The following CSNK1E variants were observed in gnomAD, a reference collection of about 807,000 sequenced individuals.
CSNK1E encodes casein kinase 1 epsilon, also known as casein kinase I isoform epsilon.
CSNK1E carries 17 observed loss-of-function variants against 46.1 expected under a neutral mutation model. The observed-to-expected ratio is 0.37, with a 90% CI of 0.25 to 0.55. The LOEUF (loss-of-function observed/expected upper bound fraction) is 0.55. CSNK1E is among the 20% of genes least tolerant of loss of function. The probability of loss-of-function intolerance (pLI) is 0.82; values close to 1 mark genes in which losing one functional copy is unlikely to be tolerated. For synonymous variants in CSNK1E, 241 were observed against 242.6 expected, an observed-to-expected ratio of 0.99 and a Z score of 0.06; for missense variants, 386 against 595.4, an observed-to-expected ratio of 0.65 and a Z score of 3.66.
intron 1 of CSNK1E, among the ~76,000 whole-genome samples, chr22:38,315,482 C>T (rs1015471973): frequency 1.3e-5 from 2 of 152,240 alleles, no homozygotes; most frequent in Non-Finnish European, 2.9e-5. Context: ...CCTGTCTCAG[C>T]TGAGGTGCCA....
At position 38,303,682 on chromosome 22, in the gene CSNK1E, C is replaced by T. The variant is rs2092685630; in HGVS notation, c.77-434G>A. On this transcript the variant is annotated intron_variant, in intron 2 of 10. Coordinates refer to ENST00000396832, the MANE Select transcript of CSNK1E (RefSeq NM_152221.3). This position sits in a 1 kb window ranked among gnomAD's most constrained non-coding sequence, Gnocchi z 4.7. ...AACACACCAGAACAAGCCAGGACCA[C>T]CCTGGCCTACAGGATGAGGATGGGA... 2.0e-5 allele frequency among the ~76,000 whole-genome samples: 3 copies of T among 152,192 alleles called. No homozygotes were observed. Among genetic ancestry groups the T allele is most frequent in the Admixed American group, 1.3e-4 (2 of 15,290 alleles).
chr22:38,297,794 G>C (rs2092648770), intron 7 of CSNK1E: 1 of 1,004,722 alleles, frequency 1.0e-6, no homozygotes, highest in African/African-American at 1.7e-5. Context: ...CCACTGTGCT[G>C]CCATCTCTTG....
chr22:38,296,063 T>A, intron 7 of CSNK1E: 2 of 649,586 alleles, frequency 3.1e-6, no homozygotes, highest in Non-Finnish European at 3.8e-6. Flanking sequence ...TGTGGAGCCC[T>A]GCAGCCAGCA....
intron 9 of CSNK1E, chr22:38,293,872 C>T: frequency 1.8e-6 from 1 of 557,978 alleles, no homozygotes; most frequent in Non-Finnish European, 3.1e-6. Context: ...TGGAGCCCAG[C>T]TGTGCCACTT....
In CSNK1E at chr22:38,298,037, T is replaced by A; in HGVS notation, c.885+749A>T. The A allele has an allele frequency of 8.5e-7, 1 of 1,173,178 alleles. No homozygotes were observed. 72.7% of individuals were successfully genotyped at this position (1,173,178 alleles called of 1,614,324 possible). On this transcript the variant is annotated intron_variant, in intron 7 of 10. Coordinates refer to ENST00000396832, the MANE Select transcript of CSNK1E (RefSeq NM_152221.3). This position sits in a 1 kb window ranked among gnomAD's most constrained non-coding sequence, Gnocchi z 4.2. Reference sequence around the variant, plus strand: ...AAAGCACAGCTGAGGCTCAGCCTCTTGCGCTCACTGGTCAAGTGGCAAATT... The same window carrying A: ...AAAGCACAGCTGAGGCTCAGCCTCTAGCGCTCACTGGTCAAGTGGCAAATT...
intron 1 of CSNK1E, chr22:38,316,715 A>T (rs2092747875): frequency 6.6e-6 from 1 of 151,892 alleles, no homozygotes; most frequent in Non-Finnish European, 1.5e-5. Flanking sequence ...AGCCTTGCGA[A>T]CCCCCAGGTC....
chr22:38,299,758 T>C (rs943170849), intron 6 of CSNK1E, 137 bp downstream of exon 6: 2 of 913,312 alleles, frequency 2.2e-6, no homozygotes, highest in African/African-American at 3.3e-5. Flanking sequence ...TCCACCTGCC[T>C]TGGCCTCCCA....
chr22:38,296,808 G>A, intron 7 of CSNK1E: 1 of 1,283,416 alleles, frequency 7.8e-7, no homozygotes, highest in Non-Finnish European at 1.1e-6. Context: ...TGCCTTGCCG[G>A]ATGTGGTGGC....
chr22:38,296,604 C>T (rs1264375924), intron 7 of CSNK1E: 1 of 1,612,764 alleles, frequency 6.2e-7, no homozygotes, highest in Non-Finnish European at 8.5e-7. Flanking sequence ...CTCTGCCCAG[C>T]TTCTAACTCC....
intron 2 of CSNK1E, among the ~76,000 whole-genome samples, chr22:38,311,748 G>C (rs1484663439): frequency 1.3e-5 from 2 of 152,050 alleles, no homozygotes; most frequent in Non-Finnish European, 2.9e-5. Context: ...CAGCAAATGA[G>C]GAACACGCTG....
chr22:38,293,334 G>C lies in CSNK1E; in HGVS notation c.1219-15C>G, dbSNP rs569420536. 1 of 1,551,110 alleles carries C rather than the reference G, an allele frequency of 6.4e-7. No individual in the cohort carries two copies. The highest frequency in any genetic ancestry group is 1.4e-5 in the African/African-American group (1 of 73,558). Reference sequence around the variant, plus strand: ...GGCACACTTGTCTTTTGAGGGTGGGGAGGGAGAGAGGGGGAGGGAGAGAGA... The same window carrying C: ...GGCACACTTGTCTTTTGAGGGTGGGCAGGGAGAGAGGGGGAGGGAGAGAGA... On this transcript the variant is annotated splice_polypyrimidine_tract_variant and intron_variant, in intron 9 of 10. Transcript: ENST00000396832.
In CSNK1E at chr22:38,309,579, C is replaced by T. The variant is rs779864081; in HGVS notation, c.76+4503G>A. On this transcript the variant is annotated intron_variant, in intron 2 of 10. Coordinates refer to ENST00000396832, the MANE Select transcript of CSNK1E (RefSeq NM_152221.3). The surrounding 1 kb of genome is among the most constrained non-coding windows in gnomAD (Gnocchi z 4.8). ...AAGCGATTCTCATGCCTCAGCCTCC[C>T]GAGTAACTGGGATTACAAGCAGACA... Among the ~76,000 whole-genome samples, 7 of 152,118 alleles carry T rather than the reference C, an allele frequency of 4.6e-5. No homozygotes were observed. In the East Asian group the frequency reaches 7.7e-4, roughly 17 times the overall value.
chr22:38,302,437 G>A (rs769837427), intron 4 of CSNK1E, among the ~76,000 whole-genome samples: 1 of 152,202 alleles, frequency 6.6e-6, no homozygotes, highest in Non-Finnish European at 1.5e-5. Context: ...AGTTGGGCCT[G>A]AAATCACATT....
At position 38,300,691 on chromosome 22, in the gene CSNK1E, G is replaced by C. The variant is rs191991271; in HGVS notation, c.565+33C>G. 2.5e-6 allele frequency: 4 copies of C among 1,598,500 alleles called. No homozygotes were observed. The African/African-American group carries it at 4.0e-5, about 16-fold the overall frequency. ...GAGCTGGGCCCCAGCCAGTGGCCCC[G>C]GGTGCACACTGCTCCAGGCCTGGCT... On this transcript the variant is annotated intron_variant, in intron 5 of 10. Coordinates refer to ENST00000396832, the MANE Select transcript of CSNK1E (RefSeq NM_152221.3). This position sits in a 1 kb window ranked among gnomAD's most constrained non-coding sequence, Gnocchi z 4.4.
intron 2 of CSNK1E, among the ~76,000 whole-genome samples, chr22:38,307,325 C>T (rs960541616): frequency 6.6e-6 from 1 of 152,044 alleles, no homozygotes; most frequent in Admixed American, 6.6e-5. Flanking sequence ...CTGAGGCAGG[C>T]GGATCACCAG....
At chr22:38,293,920 C>T in intron 9 of CSNK1E, 189 bp downstream of exon 9, 1 of 665,708 alleles carries the variant, frequency 1.5e-6, no homozygotes, top group Non-Finnish European at 2.5e-6. Context: ...TGGTGAATGA[C>T]TTTGCTCAAG....
chr22:38,299,226 G>T (rs137949387), intron 6 of CSNK1E, among the ~76,000 whole-genome samples: 2 of 152,178 alleles, frequency 1.3e-5, no homozygotes, highest in Non-Finnish European at 2.9e-5. Context: ...CAGCTCTTCC[G>T]CTGCCCTCGC....
intron 4 of CSNK1E, 95 bp from the exon 5 acceptor site, chr22:38,301,047 G>A (rs2092669397): frequency 2.9e-6 from 3 of 1,036,812 alleles, no homozygotes; most frequent in Admixed American, 1.9e-5. Flanking sequence ...GAAAGGCAGA[G>A]GGAGAAAGGC....
rs908002628 is a variant in CSNK1E, at chr22:38,300,616, G to C, written c.565+108C>G. On this transcript the variant is annotated intron_variant, in intron 5 of 10. Transcript: ENST00000396832. This position sits in a 1 kb window ranked among gnomAD's most constrained non-coding sequence, Gnocchi z 4.4. Reference sequence around the variant, plus strand: ...AGACGGGGTGGGGACTTTCTCACTAGAAAAGAGCCTGGGGGCCTCCATCAG... The same window carrying C: ...AGACGGGGTGGGGACTTTCTCACTACAAAAGAGCCTGGGGGCCTCCATCAG... The C allele has an allele frequency of 9.1e-7, 1 of 1,101,330 alleles. No individual in the cohort carries two copies. Among genetic ancestry groups the C allele is most frequent in the African/African-American group, 1.6e-5 (1 of 63,556 alleles). The allele number at this position is 1,101,330 out of a possible 1,614,324, so 68.2% of individuals were successfully genotyped here. A position where few individuals can be genotyped will look rare whatever the true frequency, so the allele number is the denominator to read the frequency against.
Sources: gnomAD v4.1 joint callset for allele counts (sites outside exome capture counted in the v4.1 genomes callset) on GRCh38, gnomAD v4.1.1 for gene constraint, Gnocchi (gnomAD v3.1) non-coding constraint, MANE v1.5 for transcripts, NCBI Gene and HGNC (gene_info 2026-07-23, HGNC 2026-07-21) for gene names.